RICTOR: variants seen among roughly 807,000 people sequenced by gnomAD.
RICTOR encodes RPTOR independent companion of MTOR complex 2, also known as rapamycin-insensitive companion of mTOR.
In RICTOR, 49 loss-of-function variants were observed where a neutral mutation model predicts 214.9. The observed-to-expected ratio is 0.23, with a 90% CI of 0.18 to 0.29. The LOEUF is 0.29. Among genes scored for constraint, RICTOR ranks in the 10% least tolerant of loss-of-function variants. The pLI, the probability that RICTOR is intolerant of heterozygous loss-of-function variation, is 1.00. For missense variants in RICTOR, 1,625 were observed against 2,047.0 expected, an observed-to-expected ratio of 0.79 and a Z score of 3.98; for synonymous variants, 717 against 711.3, an observed-to-expected ratio of 1.01 and a Z score of -0.13.
At chr5:39,058,282 T>C (rs1472038676) in intron 2 of RICTOR, among the ~76,000 whole-genome samples, 1 of 152,090 alleles carries the variant, frequency 6.6e-6, no homozygotes, top group African/African-American at 2.4e-5. Context: ...GTAATTCATC[T>C]ATATAGCATA....
At chr5:38,960,189 G>A (rs988753366) in intron 20 of RICTOR, among the ~76,000 whole-genome samples, 1 of 142,984 alleles carries the variant, frequency 7.0e-6, no homozygotes, top group Non-Finnish European at 1.5e-5. Context: ...AGTAAACCAG[G>A]TTTTCTAGAG....
chr5:39,074,309 G>A lies in RICTOR; in HGVS notation c.49+20C>T. On this transcript the variant is annotated intron_variant, in intron 1 of 37. Transcript: ENST00000357387. Reference sequence around the variant, plus strand: ...TGGCGGGCGCCGGGCGGTGGGGAGTGAGGGTTGCAGCGGGCTTACCTCGTA... The same window carrying A: ...TGGCGGGCGCCGGGCGGTGGGGAGTAAGGGTTGCAGCGGGCTTACCTCGTA... 3 of 1,553,146 alleles carry A rather than the reference G, an allele frequency of 1.9e-6. No homozygotes were observed. The highest frequency in any genetic ancestry group is 2.6e-6 in the Non-Finnish European group (3 of 1,148,956).
chr5:38,949,701 T>A lies in RICTOR; in HGVS notation c.4136+11A>T. On this transcript the variant is annotated intron_variant, in intron 31 of 37. Transcript: ENST00000357387. ...CCATTATTGGTCACTTCTAAACATA[T>A]ATTTGCTTACCTGCTTGGTGTTAAT... The A allele has an allele frequency of 6.2e-7, 1 of 1,606,892 alleles. No individual in the cohort carries two copies. The highest frequency in any genetic ancestry group is 1.1e-5 in the South Asian group (1 of 90,456).
At chr5:38,988,592 C>T (rs556613173) in intron 7 of RICTOR, among the ~76,000 whole-genome samples, 8 of 152,050 alleles carry the variant, frequency 5.3e-5, no homozygotes, top group South Asian at 2.1e-4. Flanking sequence ...TGTCTTTGCA[C>T]GTAAGATGGG....
At chr5:39,055,577 A>C (rs1441128258) in intron 2 of RICTOR, among the ~76,000 whole-genome samples, 3 of 152,150 alleles carry the variant, frequency 2.0e-5, no homozygotes, top group Non-Finnish European at 4.4e-5. Flanking sequence ...CTGAATCAGC[A>C]GCAAAAGATC....
rs747168889 is a variant in RICTOR at position 38,962,585 on chromosome 5, T to G, written c.1568A>C (p.Asp523Ala). The G allele has an allele frequency of 6.8e-7, 1 of 1,477,164 alleles. No homozygotes were observed. Among genetic ancestry groups the G allele is most frequent in the Admixed American group, 2.0e-5 (1 of 50,106 alleles). 91.5% of individuals were successfully genotyped at this position (1,477,164 alleles called of 1,614,324 possible). A position where few individuals can be genotyped will look rare whatever the true frequency, so the allele number is the denominator to read the frequency against. The stretch of plus-strand genomic sequence containing the variant: ...GTTAATTAAAAGAGCTTCCTCTGTA[T>G]CCTAAAATCATCAGAAAGTAATAAG... ...RVQKDIFILK[D>A]TEEALLINLR... The change falls in exon 18 of 38, where the codon GAT becomes GCT. Residue 523 changes from aspartate (D) to alanine (A), a missense_variant and splice_region_variant. Asp to Ala is a moderately radical substitution (Grantham distance 126). Around this residue, in one of 5 missense-constraint regions of RICTOR, gnomAD observed 1,214 missense variants for 1,470.5 expected, o/e 0.83. Coordinates refer to ENST00000357387, the MANE Select transcript of RICTOR (RefSeq NM_152756.5).
intron 5 of RICTOR, among the ~76,000 whole-genome samples, chr5:39,001,860 G>A (rs1173689682): frequency 6.6e-6 from 1 of 152,022 alleles, no homozygotes; most frequent in East Asian, 1.9e-4. Flanking sequence ...AAGTGTTGAT[G>A]GGGACACGGG....
At chr5:39,058,701 A>G (rs1758347364) in intron 2 of RICTOR, among the ~76,000 whole-genome samples, 2 of 152,150 alleles carry the variant, frequency 1.3e-5, no homozygotes, top group Non-Finnish European at 2.9e-5. Flanking sequence ...ATATTTCCAC[A>G]TGAGCACACT....
At chr5:39,049,701 C>T (rs764112532) in intron 2 of RICTOR, among the ~76,000 whole-genome samples, 67 of 149,902 alleles carry the variant, frequency 4.5e-4, no homozygotes, top group Non-Finnish European at 8.1e-4. Context: ...AGGGAGGGAG[C>T]GCAGTCCAGG....
chr5:39,022,185 T>C (rs1755476188), intron 2 of RICTOR, among the ~76,000 whole-genome samples: 2 of 152,180 alleles, frequency 1.3e-5, no homozygotes, highest in South Asian at 2.1e-4. Context: ...TAAACTAAGA[T>C]GTTTGGTAGA....
At chr5:39,060,233 A>G (rs16868044) in intron 2 of RICTOR, among the ~76,000 whole-genome samples, 5,038 of 152,176 alleles carry the variant, frequency 0.033, 138 homozygotes, top group South Asian at 0.081. Context: ...AAATGTAAGC[A>G]CTCCAAAAAA....
intron 3 of RICTOR, among the ~76,000 whole-genome samples, chr5:39,010,476 T>C (rs1036096925): frequency 1.3e-5 from 2 of 152,212 alleles, no homozygotes; most frequent in Admixed American, 1.3e-4. Context: ...ACTTTGGAAC[T>C]GGGTAACAGG....
intron 2 of RICTOR, among the ~76,000 whole-genome samples, chr5:39,038,921 C>A (rs1390472158): frequency 2.6e-5 from 4 of 152,084 alleles, no homozygotes; most frequent in Non-Finnish European, 5.9e-5. Context: ...AATGCCATCC[C>A]CATCAAGCTA....
chr5:38,972,871 CAAA>C (rs34804901), intron 10 of RICTOR, among the ~76,000 whole-genome samples: 6 of 66,246 alleles, frequency 9.1e-5, no homozygotes, highest in Admixed American at 1.7e-4. Context: ...AACAGAAGGG[CAAA>C]AAAAAAAAAA....
intron 6 of RICTOR, among the ~76,000 whole-genome samples, chr5:38,995,006 G>T (rs530462405): frequency 3.3e-5 from 5 of 152,162 alleles, no homozygotes; most frequent in Admixed American, 6.5e-5. Flanking sequence ...TTTTCCGGGG[G>T]CTCCACCGCA....
chr5:39,059,531 GT>G lies in RICTOR; in HGVS notation c.97+14579del, dbSNP rs1429730757. On this transcript the variant is annotated intron_variant, in intron 2 of 37. Coordinates refer to ENST00000357387, the MANE Select transcript of RICTOR (RefSeq NM_152756.5). ...CTATGCTATCTTTCAATAAAGGAAA[GT>G]TTTTATATAACATTTACTGTTTTCC... is the stretch of plus-strand genomic sequence containing the variant. Among the ~76,000 whole-genome samples, 3 of 152,188 alleles carry G rather than the reference GT, an allele frequency of 2.0e-5. No homozygotes were observed. The South Asian group carries it at 6.2e-4, about 32-fold the overall frequency.
intron 7 of RICTOR, among the ~76,000 whole-genome samples, chr5:38,984,839 A>G (rs1402798660): frequency 1.3e-5 from 2 of 152,150 alleles, no homozygotes; most frequent in Non-Finnish European, 2.9e-5. Flanking sequence ...TGGTGTTTTG[A>G]TACAGACTCT....
chr5:38,964,843 GGCAA>G lies in RICTOR; in HGVS notation c.1345_1348del (p.Leu449GlnfsTer3). On this transcript the variant is annotated frameshift_variant, in exon 16 of 38. Transcript: ENST00000357387. LOFTEE classifies it high-confidence loss of function. ...GGATGCAGCCATATTCATTAGGGTTGGCAAGCAGTGTAAATGATGGCTATGTGAA... is the reference window on the plus strand; with the variant it reads ...GGATGCAGCCATATTCATTAGGGTTGGCAGTGTAAATGATGGCTATGTGAA... The G allele has an allele frequency of 6.2e-7, 1 of 1,608,984 alleles. No homozygotes were observed. Among genetic ancestry groups the G allele is most frequent in the Non-Finnish European group, 8.5e-7 (1 of 1,176,556 alleles).
intron 7 of RICTOR, among the ~76,000 whole-genome samples, chr5:38,982,793 T>A (rs1022857966): frequency 6.7e-5 from 2 of 29,752 alleles, no homozygotes; most frequent in African/African-American, 1.9e-4. Flanking sequence ...TATATACATA[T>A]ATATACACAT....
Sources: gnomAD v4.1 joint callset for allele counts (sites outside exome capture counted in the v4.1 genomes callset) on GRCh38, gnomAD v4.1.1 for gene constraint, gnomAD v4.1.1 regional missense constraint, MANE v1.5 for transcripts, NCBI Gene and HGNC (gene_info 2026-07-23, HGNC 2026-07-21) for gene names.